ELF1: variants seen among roughly 807,000 people sequenced by gnomAD.
ELF1 encodes ETS-related transcription factor Elf-1.
ELF1 carries 24 observed loss-of-function variants against 59.9 expected under a neutral mutation model. The observed-to-expected ratio is 0.40, with a 90% CI of 0.29 to 0.56. ELF1 has a LOEUF of 0.56. Among genes scored for constraint, ELF1 ranks in the 20% least tolerant of loss-of-function variants. ELF1 has a pLI of 0.44. For missense variants in ELF1, 627 were observed against 742.2 expected, an observed-to-expected ratio of 0.84 and a Z score of 1.80; for synonymous variants, 248 against 266.2, an observed-to-expected ratio of 0.93 and a Z score of 0.67.
intron 8 of ELF1, among the ~76,000 whole-genome samples, chr13:40,935,682 T>A (rs1869719980): frequency 6.6e-6 from 1 of 151,866 alleles, no homozygotes; most frequent in African/African-American, 2.4e-5. Flanking sequence ...ACCATTTTTT[T>A]TTTTTTTTTG....
intron 1 of ELF1, among the ~76,000 whole-genome samples, chr13:41,015,314 G>C (rs1875295268): frequency 6.6e-6 from 1 of 151,876 alleles, no homozygotes; most frequent in Non-Finnish European, 1.5e-5. Context: ...TAGCCACATA[G>C]TTGAACAACA....
At chr13:40,986,946 T>TTTG (rs1409333698) in intron 1 of ELF1, among the ~76,000 whole-genome samples, 3 of 147,654 alleles carry the variant, frequency 2.0e-5, no homozygotes, top group Non-Finnish European at 4.5e-5. Context: ...TCTTTTTTTT[T>TTTG]TTTTTTTTTG....
At chr13:40,969,420 A>G (rs528585911) in intron 2 of ELF1, among the ~76,000 whole-genome samples, 1 of 152,294 alleles carries the variant, frequency 6.6e-6, no homozygotes, top group Admixed American at 6.5e-5. Flanking sequence ...CCTCTTTGAG[A>G]TTCCTCATTA....
intron 2 of ELF1, among the ~76,000 whole-genome samples, chr13:40,966,546 A>C (rs892075957): frequency 1.3e-5 from 2 of 152,236 alleles, no homozygotes; most frequent in African/African-American, 4.8e-5. Flanking sequence ...CAATGTAAGC[A>C]GGACATTATG....
rs9562248 is a variant in ELF1, at chr13:40,941,232, T to G, written c.945A>C (p.Leu315=). ...TCCTATTTGAAGTGGCTGATGAAGA[T>G]AGCGATGGATCTGAAGACTCTATGC... ...SSSIESSDPS[L]SSSATSNRNQ... is the part of the protein sequence containing the mutation. Residue 315 remains leucine, a synonymous_variant, in exon 8 of 9, where the codon CTA becomes CTC. Transcript: ENST00000239882. 162 of 1,614,182 alleles carry G rather than the reference T, an allele frequency of 1.0e-4. 1 individual carries two copies. The African/African-American group carries it at 1.9e-3, about 19-fold the overall frequency.
intron 1 of ELF1, among the ~76,000 whole-genome samples, chr13:40,996,426 G>A (rs564022785): frequency 1.3e-5 from 2 of 152,290 alleles, no homozygotes; most frequent in South Asian, 4.1e-4. Flanking sequence ...TTCAGTAGGT[G>A]AATAAACTGT....
chr13:40,965,660 T>C (rs1347927581), intron 2 of ELF1, among the ~76,000 whole-genome samples: 1 of 152,178 alleles, frequency 6.6e-6, no homozygotes, highest in South Asian at 2.1e-4. Flanking sequence ...AATGCTTCTT[T>C]GATGCCTTAA....
At position 41,052,981 on chromosome 13, in the gene ELF1, A is replaced by G. The variant is rs911981203; in HGVS notation, c.-229+7857T>C. Among the ~76,000 whole-genome samples the G allele has an allele frequency of 5.9e-5, 9 of 152,368 alleles. 1 individual carries two copies. Among genetic ancestry groups the G allele is most frequent in the African/African-American group, 2.2e-4 (9 of 41,594 alleles). On this transcript the variant is annotated intron_variant, in intron 1 of 1. Coordinates refer to the ELF1 transcript ENST00000405737. ...CAACTCCATATATTTACTTTGAAAA[A>G]GTTAAATAAAACCGAACACTTAAAG...
intron 3 of ELF1, among the ~76,000 whole-genome samples, chr13:40,955,873 G>C (rs1481551991): frequency 8.4e-6 from 1 of 119,552 alleles, no homozygotes; most frequent in Non-Finnish European, 1.7e-5. Context: ...CCTCCGCCCG[G>C]CCAGCCACCC....
intron 5 of ELF1, among the ~76,000 whole-genome samples, chr13:40,947,604 C>G (rs1870581968): frequency 6.6e-6 from 1 of 152,124 alleles, no homozygotes; most frequent in Non-Finnish European, 1.5e-5. Context: ...AATTGCCAGC[C>G]AAGTAATTAA....
chr13:41,022,844 A>C (rs1875743283), upstream of ELF1, among the ~76,000 whole-genome samples: 1 of 152,026 alleles, frequency 6.6e-6, no homozygotes, highest in African/African-American at 2.4e-5. Context: ...GCACCACTGC[A>C]CTCCAGCCTG....
At chr13:41,011,507 G>A (rs141070264) in intron 1 of ELF1, among the ~76,000 whole-genome samples, 6 of 152,092 alleles carry the variant, frequency 3.9e-5, no homozygotes, top group East Asian at 1.9e-4. Context: ...ATAGTGGCAC[G>A]AACATGCCTC....
At chr13:40,983,569 A>G (rs953849285) in intron 1 of ELF1, among the ~76,000 whole-genome samples, 9 of 152,130 alleles carry the variant, frequency 5.9e-5, no homozygotes, top group African/African-American at 2.2e-4. Context: ...CTAAATTCCA[A>G]CCCAGCAAAT....
intron 8 of ELF1, 49 bp downstream of exon 8, chr13:40,940,872 G>T: frequency 6.5e-7 from 1 of 1,526,762 alleles, no homozygotes; most frequent in South Asian, 1.2e-5. Flanking sequence ...TAATGTCTCT[G>T]GTCAGAAACA....
At chr13:40,948,358 T>C (rs1870632872) in intron 5 of ELF1, among the ~76,000 whole-genome samples, 1 of 152,180 alleles carries the variant, frequency 6.6e-6, no homozygotes, top group African/African-American at 2.4e-5. Context: ...GTATATCCCT[T>C]CAAGGGTCCC....
rs148200038 is a variant in ELF1, at chr13:40,950,104, G to T, written c.362-131C>A. The T allele has an allele frequency of 1.8e-5, 16 of 873,792 alleles. No individual in the cohort carries two copies. The East Asian group carries it at 4.4e-4, about 24-fold the overall frequency. The allele number at this position is 873,792 out of a possible 1,614,324, so 54.1% of individuals were successfully genotyped here. ...ATAAAATCTTGAAATCTATTCCTGC[G>T]TTTAAGTTCCCCTTCCCAAAATCAA... On this transcript the variant is annotated intron_variant, in intron 4 of 8. Transcript: ENST00000239882.
intron 1 of ELF1, among the ~76,000 whole-genome samples, chr13:41,047,093 G>A (rs907086782): frequency 2.0e-5 from 3 of 152,072 alleles, no homozygotes; most frequent in African/African-American, 7.2e-5. Flanking sequence ...TTGTGCATTC[G>A]TCACGTAGTT....
rs535658352 is a variant in ELF1, at chr13:41,054,785, A to T, written c.-229+6053T>A. Among the ~76,000 whole-genome samples, 4 of 152,268 alleles carry T rather than the reference A, an allele frequency of 2.6e-5. No homozygotes were observed. The South Asian group carries it at 8.3e-4, about 32-fold the overall frequency. ...TGGGAACAGGAAAGGGACAGTGGAG[A>T]TGGGGAGCACAGACATAATCCTTCC... On this transcript the variant is annotated intron_variant, in intron 1 of 1. Transcript: ENST00000405737.
intron 3 of ELF1, among the ~76,000 whole-genome samples, chr13:40,956,094 G>A (rs993450294): frequency 6.8e-5 from 10 of 148,102 alleles, no homozygotes; most frequent in East Asian, 2.0e-4. Context: ...CATTGAGAAC[G>A]GGCCATGATG....
Sources: gnomAD v4.1 joint callset for allele counts (sites outside exome capture counted in the v4.1 genomes callset) on GRCh38, gnomAD v4.1.1 for gene constraint, MANE v1.5 for transcripts, NCBI Gene and HGNC (gene_info 2026-07-23, HGNC 2026-07-21) for gene names.